The following ANO6 variants were observed in gnomAD, a reference collection of about 807,000 sequenced individuals.
ANO6 encodes the protein anoctamin-6.
A neutral mutation model predicts 117.5 loss-of-function variants in ANO6; 106 were observed. That is an observed-to-expected ratio of 0.90 (90% CI 0.77 to 1.06). ANO6 has a LOEUF of 1.06. Among genes scored for constraint, ANO6 ranks in the 50% least tolerant of loss-of-function variants. ANO6 has a pLI of 0.00. For synonymous variants in ANO6, 367 were observed against 385.1 expected (o/e 0.95, Z 0.55); for missense variants, 955 against 1,121.1 (o/e 0.85, Z 2.12).
At chr12:45,349,005 A>G (rs1010920774) in intron 6 of ANO6, among the ~76,000 whole-genome samples, 3 of 152,162 alleles carry the variant, frequency 2.0e-5, no homozygotes, top group Non-Finnish European at 2.9e-5. Context: ...TTCCTCATCA[A>G]TAAGCTGGGG....
chr12:45,314,398 C>T (rs1193650606), intron 2 of ANO6, among the ~76,000 whole-genome samples: 3 of 149,336 alleles, frequency 2.0e-5, no homozygotes, highest in Non-Finnish European at 3.0e-5. Context: ...TGCTTGAGCT[C>T]AGGAGTTCAA....
chr12:45,357,498 T>A (rs1565716150), intron 8 of ANO6, 74 bp downstream of exon 8: 51 of 1,566,152 alleles, frequency 3.3e-5, no homozygotes, highest in Non-Finnish European at 4.5e-5. Flanking sequence ...GGTCTTAAAC[T>A]GTTTTGGTAA....
chr12:45,370,976 A>C (rs1201440089), intron 9 of ANO6, among the ~76,000 whole-genome samples: 1 of 152,202 alleles, frequency 6.6e-6, no homozygotes, highest in Admixed American at 6.5e-5. Flanking sequence ...GGAGTGCCAG[A>C]CAGTGGGCGC....
intron 1 of ANO6, among the ~76,000 whole-genome samples, chr12:45,248,709 C>T (rs1227549913): frequency 1.3e-5 from 2 of 152,038 alleles, no homozygotes; most frequent in Non-Finnish European, 2.9e-5. Context: ...TGAGCCTCCA[C>T]GCCTGGCACA....
In ANO6 at chr12:45,333,844, C is replaced by T. The variant is rs1251096698; in HGVS notation, c.279+2421C>T. On this transcript the variant is annotated intron_variant, in intron 3 of 19. Coordinates refer to ENST00000320560, the MANE Select transcript of ANO6 (RefSeq NM_001025356.3). ...GATTTAGGACAATACCAAGGAAAGG[C>T]AATTCAAAATCCTGTTTTCTTTGAA... Among the ~76,000 whole-genome samples the T allele has an allele frequency of 2.0e-5, 3 of 151,944 alleles. No homozygotes were observed. In the East Asian group the frequency reaches 5.8e-4, roughly 29 times the overall value.
At chr12:45,392,726 G>T (rs1217787515) in intron 12 of ANO6, among the ~76,000 whole-genome samples, 7 of 152,122 alleles carry the variant, frequency 4.6e-5, no homozygotes, top group Admixed American at 3.9e-4. Context: ...GTCTGGAGTG[G>T]AACTCCAACA....
At position 45,222,073 on chromosome 12, in the gene ANO6, G is replaced by A. The variant is rs150948270; in HGVS notation, c.70+5682G>A. On this transcript the variant is annotated intron_variant, in intron 1 of 19. Transcript: ENST00000320560. ...TTTTTTTTGTATTTTTAATAGAGGC[G>A]GGGTTTCACCGTGTTAATCAGGATG... Among the ~76,000 whole-genome samples, 1,439 of 151,594 alleles carry A rather than the reference G, an allele frequency of 9.5e-3. 23 individuals are homozygous for A. The highest frequency in any genetic ancestry group is 0.033 in the African/African-American group (1,353 of 41,308).
At chr12:45,394,179 A>C (rs1942542065) in intron 12 of ANO6, among the ~76,000 whole-genome samples, 1 of 152,218 alleles carries the variant, frequency 6.6e-6, no homozygotes. Flanking sequence ...AAGCAAAAAA[A>C]AGCAGGGGTT....
chr12:45,326,897 A>G (rs952328699), intron 2 of ANO6, among the ~76,000 whole-genome samples: 4 of 152,134 alleles, frequency 2.6e-5, no homozygotes, highest in African/African-American at 7.2e-5. Context: ...ACCTCTCATA[A>G]CCAGTCTCTC....
intron 1 of ANO6, among the ~76,000 whole-genome samples, chr12:45,252,378 G>A (rs146124258): frequency 5.2e-4 from 79 of 152,318 alleles, no homozygotes; most frequent in African/African-American, 1.9e-3. Flanking sequence ...AGGGTTGAAA[G>A]AAATTATTTA....
intron 12 of ANO6, among the ~76,000 whole-genome samples, chr12:45,393,330 A>G (rs1942509692): frequency 6.6e-6 from 1 of 152,230 alleles, no homozygotes; most frequent in Non-Finnish European, 1.5e-5. Context: ...AGCCTCCAAG[A>G]AATATGGGAC....
intron 10 of ANO6, among the ~76,000 whole-genome samples, chr12:45,378,945 T>C (rs757666058): frequency 2.0e-5 from 3 of 152,226 alleles, no homozygotes; most frequent in African/African-American, 4.8e-5. Flanking sequence ...ATGGGAACTT[T>C]ACCACTATAT....
At chr12:45,424,468 C>G (rs1592052329) in intron 19 of ANO6, among the ~76,000 whole-genome samples, 1 of 150,396 alleles carries the variant, frequency 6.6e-6, no homozygotes, top group Non-Finnish European at 1.5e-5. Context: ...CTCCCAAGTA[C>G]CTGGGACTAC....
intron 1 of ANO6, among the ~76,000 whole-genome samples, chr12:45,261,876 C>A (rs920122125): frequency 7.9e-5 from 12 of 152,194 alleles, no homozygotes; most frequent in Non-Finnish European, 1.5e-4. Flanking sequence ...CTAAATAATA[C>A]ATTTCAATTT....
At chr12:45,312,147 A>G (rs1939868932) in intron 2 of ANO6, among the ~76,000 whole-genome samples, 1 of 152,188 alleles carries the variant, frequency 6.6e-6, no homozygotes, top group Middle Eastern at 3.4e-3. Flanking sequence ...TGACAAAAAC[A>G]TGGGTGAGGA....
chr12:45,357,174 T>C, intron 7 of ANO6, 116 bp from the exon 8 acceptor site: 2 of 1,187,538 alleles, frequency 1.7e-6, no homozygotes, highest in South Asian at 2.6e-5. Context: ...TAAGGGTGAA[T>C]TGAGTCAGAT....
chr12:45,378,122 T>G lies in ANO6; in HGVS notation c.1165+9T>G, dbSNP rs774280129. On this transcript the variant is annotated intron_variant, in intron 10 of 19. Coordinates refer to ENST00000320560, the MANE Select transcript of ANO6 (RefSeq NM_001025356.3). The stretch of plus-strand genomic sequence containing the variant: ...ATTTATGGGAGTATGGGGTAAGTTT[T>G]TTTTTTTTTTTTCATGCACTCAATT... The G allele has an allele frequency of 6.9e-6, 11 of 1,592,130 alleles. No individual in the cohort carries two copies. Among genetic ancestry groups the G allele is most frequent in the Admixed American group, 3.4e-5 (2 of 58,794 alleles).
In ANO6 at chr12:45,432,098, C is replaced by T. The variant is rs191240841; in HGVS notation, c.*2787C>T. On this transcript the variant is annotated 3_prime_UTR_variant, in exon 20 of 20. Transcript: ENST00000320560. ...TTCACAATGGGGGTCAGAATGTACTCTTGTTGAAACACTTCTTGTACCATT... is the reference window on the plus strand; with the variant it reads ...TTCACAATGGGGGTCAGAATGTACTTTTGTTGAAACACTTCTTGTACCATT... 1 of 985,352 alleles carries T rather than the reference C, an allele frequency of 1.0e-6. No homozygotes were observed. Among genetic ancestry groups the T allele is most frequent in the Admixed American group, 6.1e-5 (1 of 16,272 alleles). The allele number at this position is 985,352 out of a possible 1,614,324, so 61.0% of individuals were successfully genotyped here. A position where few individuals can be genotyped will look rare whatever the true frequency, so the allele number is the denominator to read the frequency against.
chr12:45,342,772 C>T (rs1941017114), intron 3 of ANO6, among the ~76,000 whole-genome samples: 1 of 152,070 alleles, frequency 6.6e-6, no homozygotes, highest in South Asian at 2.1e-4. Flanking sequence ...TAAAAGACAC[C>T]ACTGAAGTAA....
Sources: allele counts gnomAD v4.1 joint callset (sites outside exome capture counted in the v4.1 genomes callset), GRCh38; gene constraint gnomAD v4.1.1; transcripts MANE v1.5; gene names NCBI Gene and HGNC (gene_info 2026-07-23, HGNC 2026-07-21).